ADAD1: variants seen among roughly 807,000 people sequenced by gnomAD.
ADAD1 encodes adenosine deaminase domain containing 1.
ADAD1 carries 46 observed loss-of-function variants against 66.8 expected under a neutral mutation model. The observed-to-expected ratio is 0.69, with a 90% CI of 0.54 to 0.88. ADAD1 has a LOEUF of 0.88. Among genes scored for constraint, ADAD1 ranks in the 40% least tolerant of loss-of-function variants. ADAD1 has a pLI of 0.00. For missense variants in ADAD1, 617 were observed against 681.8 expected (o/e 0.91, Z 1.06); for synonymous variants, 248 against 229.4 (o/e 1.08, Z -0.73).
rs1167626310 is a variant in ADAD1, at chr4:122,383,915, G to T, written c.478G>T (p.Asp160Tyr). 6.2e-7 allele frequency: 1 copy of T among 1,613,816 alleles called. No homozygotes were observed. Among genetic ancestry groups the T allele is most frequent in the Admixed American group, 1.7e-5 (1 of 59,988 alleles). Residue 160 changes from aspartate (D) to tyrosine (Y), a missense_variant, in exon 5 of 13, where the codon GAT becomes TAT. Physicochemically the swap from Asp to Tyr is radical, Grantham distance 160. Coordinates refer to ENST00000296513, the MANE Select transcript of ADAD1 (RefSeq NM_139243.4). ...ATCCAATGCAGCAAAATTAGCTCTT[G>T]ATGAGCTTCTACAACTGGATGAACC... ...SRSNAAKLALDELLQLDEPEP... is the reference protein window; with the variant it reads ...SRSNAAKLALYELLQLDEPEP...
At chr4:122,384,374 G>A (rs1253982019) in intron 5 of ADAD1, among the ~76,000 whole-genome samples, 1 of 152,166 alleles carries the variant, frequency 6.6e-6, no homozygotes, top group Non-Finnish European at 1.5e-5. Context: ...GCCTAAGGTA[G>A]CATAGCAAAT....
chr4:122,389,083 T>C (rs924319574), intron 5 of ADAD1, among the ~76,000 whole-genome samples: 5 of 152,204 alleles, frequency 3.3e-5, no homozygotes, highest in Admixed American at 1.3e-4. Flanking sequence ...TCTTATTGGT[T>C]TCAAAGAACT....
intron 5 of ADAD1, among the ~76,000 whole-genome samples, chr4:122,392,796 A>G (rs939865864): frequency 5.9e-5 from 9 of 152,206 alleles, no homozygotes; most frequent in African/African-American, 2.2e-4. Flanking sequence ...GGAATTTCTT[A>G]TCAGATAAAA....
chr4:122,383,885 T>G lies in ADAD1; in HGVS notation c.448T>G (p.Ser150Ala). The change falls in exon 5 of 13, where the codon TCT becomes GCT. Residue 150 changes from serine to alanine, a missense_variant. Physicochemically the swap from Ser to Ala is moderately conservative, Grantham distance 99 (BLOSUM62 1). Coordinates refer to ENST00000296513, the MANE Select transcript of ADAD1 (RefSeq NM_139243.4). The part of the protein sequence containing the change: ...KTGLGQNKKE[S>A]RSNAAKLALD... ...TGGACTGGGACAAAATAAAAAGGAG[T>G]CTAGATCCAATGCAGCAAAATTAGC... is the stretch of plus-strand genomic sequence containing the variant. 1 of 1,613,790 alleles carries G rather than the reference T, an allele frequency of 6.2e-7. No individual in the cohort carries two copies. The highest frequency in any genetic ancestry group is 8.5e-7 in the Non-Finnish European group (1 of 1,179,874).
chr4:122,415,886 A>G (rs1376870646), intron 11 of ADAD1, among the ~76,000 whole-genome samples: 1 of 152,146 alleles, frequency 6.6e-6, no homozygotes, highest in Non-Finnish European at 1.5e-5. Flanking sequence ...TTTCAAACCC[A>G]AGGAATCTGG....
intron 12 of ADAD1, among the ~76,000 whole-genome samples, chr4:122,426,995 G>A (rs1797270236): frequency 6.6e-6 from 1 of 152,128 alleles, no homozygotes; most frequent in African/African-American, 2.4e-5. Flanking sequence ...AGCCAGTGCA[G>A]CACGGAAAGA....
intron 5 of ADAD1, among the ~76,000 whole-genome samples, chr4:122,392,677 C>T (rs989425930): frequency 1.3e-5 from 2 of 152,168 alleles, no homozygotes; most frequent in African/African-American, 2.4e-5. Flanking sequence ...CAAACCTACA[C>T]ATGTACCTCC....
At chr4:122,427,070 G>T (rs551178559) in intron 12 of ADAD1, among the ~76,000 whole-genome samples, 1 of 152,324 alleles carries the variant, frequency 6.6e-6, no homozygotes, top group Admixed American at 6.5e-5. Context: ...GTATCATCTT[G>T]TAGGTAAAAT....
At chr4:122,420,630 G>A (rs1422174394) in intron 11 of ADAD1, among the ~76,000 whole-genome samples, 1 of 152,164 alleles carries the variant, frequency 6.6e-6, no homozygotes, top group Non-Finnish European at 1.5e-5. Flanking sequence ...GAAGGATTTT[G>A]ACTGTTTTTG....
intron 12 of ADAD1, among the ~76,000 whole-genome samples, chr4:122,422,121 C>CTCTT (rs372494320): frequency 8.8e-6 from 1 of 113,856 alleles, no homozygotes. Context: ...CATGAACATC[C>CTCTT]TTTTTTTTTT....
chr4:122,380,463 A>C (rs1311942123), intron 3 of ADAD1: 8 of 521,234 alleles, frequency 1.5e-5, no homozygotes, highest in Admixed American at 3.8e-5. Flanking sequence ...GACTGTTCAA[A>C]CCCCCCCCTT....
intron 3 of ADAD1, chr4:122,380,638 A>C: frequency 3.2e-6 from 1 of 307,986 alleles, no homozygotes; most frequent in South Asian, 5.3e-5. Flanking sequence ...GGGAGCCAGA[A>C]GCTACGTTTT....
At chr4:122,412,439 C>G (rs1290512325) in intron 9 of ADAD1, 141 bp from the exon 10 acceptor site, 8 of 677,274 alleles carry the variant, frequency 1.2e-5, no homozygotes, top group Non-Finnish European at 1.7e-5. Flanking sequence ...TCCTACCTTG[C>G]TTTCTTGCAT....
At chr4:122,392,076 T>C (rs1214592745) in intron 5 of ADAD1, among the ~76,000 whole-genome samples, 1 of 152,226 alleles carries the variant, frequency 6.6e-6, no homozygotes, top group Non-Finnish European at 1.5e-5. Flanking sequence ...ATTGAAATTA[T>C]TTATGCCTAA....
rs13434412 is a variant in ADAD1, at chr4:122,402,358, A to C, written c.725-5550A>C. 7.2e-3 allele frequency among the ~76,000 whole-genome samples: 1,094 copies of C among 152,272 alleles called. 9 individuals are homozygous for C. The highest frequency in any genetic ancestry group is 0.025 in the African/African-American group (1,038 of 41,554). On this transcript the variant is annotated intron_variant, in intron 7 of 12. Transcript: ENST00000296513. ...CTGACTTGTAGGGTTTCTGCTGAGA[A>C]ATCTACTGTAAATCTGATAGGTTTT...
chr4:122,385,003 C>A (rs75182866), intron 5 of ADAD1, among the ~76,000 whole-genome samples: 1 of 152,132 alleles, frequency 6.6e-6, no homozygotes. Flanking sequence ...ATAAGGTCAT[C>A]TTTTTCCCTA....
chr4:122,387,098 G>T (rs1029547456), intron 5 of ADAD1, among the ~76,000 whole-genome samples: 2 of 147,996 alleles, frequency 1.4e-5, no homozygotes, highest in African/African-American at 5.0e-5. Context: ...TGCGAAAGTA[G>T]CATTGAATCT....
At chr4:122,401,531 T>C (rs540421331) in intron 7 of ADAD1, among the ~76,000 whole-genome samples, 3 of 152,278 alleles carry the variant, frequency 2.0e-5, no homozygotes, top group South Asian at 4.1e-4. Context: ...AGGGTATAGT[T>C]TAAGTCCATT....
At position 122,414,278 on chromosome 4, in the gene ADAD1, G is replaced by C. The variant is rs1239001099; in HGVS notation, c.1250-1101G>C. ...TTTTTCCAAATGTCTTTTTTTTTGG[G>C]GGGGGGGGTACAACTACTGTCATTA... On this transcript the variant is annotated intron_variant, in intron 10 of 12. Transcript: ENST00000296513. Among the ~76,000 whole-genome samples, 6 of 127,182 alleles carry C rather than the reference G, an allele frequency of 4.7e-5. 1 individual carries two copies. The highest frequency in any genetic ancestry group is 1.0e-4 in the Non-Finnish European group (6 of 59,660). The allele number at this position is 127,182 out of a possible 152,430, so 83.4% of individuals were successfully genotyped here.
Sources: gnomAD v4.1 joint callset for allele counts (sites outside exome capture counted in the v4.1 genomes callset) on GRCh38, gnomAD v4.1.1 for gene constraint, MANE v1.5 for transcripts, NCBI Gene and HGNC (gene_info 2026-07-23, HGNC 2026-07-21) for gene names.